COL21A1: variants seen among roughly 807,000 people sequenced by gnomAD.
The protein encoded by COL21A1 is collagen alpha-1(XXI) chain.
COL21A1 carries 149 observed loss-of-function variants against 137.9 expected under a neutral mutation model. The observed-to-expected ratio is 1.08, with a 90% CI of 0.95 to 1.24. The LOEUF (loss-of-function observed/expected upper bound fraction) is 1.24. Among genes scored for constraint, COL21A1 ranks in the 50% most tolerant of loss-of-function variants. COL21A1 has a pLI of 0.00. For synonymous variants in COL21A1, 456 were observed against 391.5 expected (o/e 1.16, Z -1.95); for missense variants, 1,167 against 1,158.4 (o/e 1.01, Z -0.11).
At chr6:56,113,535 C>G (rs954090788) in intron 16 of COL21A1, among the ~76,000 whole-genome samples, 10 of 152,168 alleles carry the variant, frequency 6.6e-5, no homozygotes, top group African/African-American at 2.2e-4. Flanking sequence ...AACTGAAGAG[C>G]CCTTGGGCCC....
chr6:56,312,312 A>C (rs1198293906), intron 1 of COL21A1, among the ~76,000 whole-genome samples: 18 of 152,186 alleles, frequency 1.2e-4, no homozygotes, highest in Non-Finnish European at 1.5e-4. Flanking sequence ...AGCAGCAGGG[A>C]AGGAGAGGAG....
chr6:56,266,691 G>C (rs1420296618), intron 1 of COL21A1, among the ~76,000 whole-genome samples: 1 of 152,180 alleles, frequency 6.6e-6, no homozygotes, highest in East Asian at 1.9e-4. Context: ...TCTGTAGACA[G>C]ACAGATAAAC....
At position 56,057,809 on chromosome 6, in the gene COL21A1, G is replaced by A; in HGVS notation, c.2722C>T (p.Pro908Ser). The A allele has an allele frequency of 6.3e-7, 1 of 1,591,532 alleles. No homozygotes were observed. Among genetic ancestry groups the A allele is most frequent in the South Asian group, 1.1e-5 (1 of 87,934 alleles). ...EGPPGISKEG[P>S]PGDPGLPGKD... ...CCAGGGAGACCTGGGTCTCCTGGAG[G>A]ACCTTCTTTGCTTATTCCAGGAGGG... The change falls in exon 30 of 30, where the codon CCT (proline) becomes TCT (serine). Residue 908 changes from proline to serine, a missense_variant. Pro to Ser is a moderately conservative substitution (Grantham distance 74). Coordinates refer to ENST00000244728, the MANE Select transcript of COL21A1 (RefSeq NM_030820.4).
rs538961899 is a variant in COL21A1 at position 56,068,895 on chromosome 6, G to T, written c.2091+151C>A. On this transcript the variant is annotated intron_variant, in intron 22 of 29. Transcript: ENST00000244728. The stretch of plus-strand genomic sequence containing the variant: ...AAGATGCCACAGCTATTAGCATGGG[G>T]CTGAACATATTATACATACATCGAA... The T allele has an allele frequency of 1.3e-3, 774 of 605,260 alleles. 6 individuals carry two copies. The South Asian group carries it at 0.015, about 12-fold the overall frequency. The allele number at this position is 605,260 out of a possible 1,614,324, so 37.5% of individuals were successfully genotyped here.
At chr6:56,085,943 G>T (rs1768202899) in intron 17 of COL21A1, among the ~76,000 whole-genome samples, 1 of 146,036 alleles carries the variant, frequency 6.8e-6, no homozygotes, top group African/African-American at 2.5e-5. Flanking sequence ...TAATTTTCAA[G>T]ATTCTCATTT....
At chr6:56,362,675 C>T (rs1390217454) in intron 1 of COL21A1, among the ~76,000 whole-genome samples, 3 of 152,046 alleles carry the variant, frequency 2.0e-5, no homozygotes, top group African/African-American at 7.2e-5. Context: ...CACACGGGCA[C>T]AACCCCTCTC....
intron 1 of COL21A1, among the ~76,000 whole-genome samples, chr6:56,359,319 G>T (rs940271975): frequency 6.6e-6 from 1 of 152,124 alleles, no homozygotes; most frequent in African/African-American, 2.4e-5. Flanking sequence ...GCTCTGTTTT[G>T]TCTCCTATAG....
At chr6:56,094,700 G>T (rs1769167064) in intron 17 of COL21A1, among the ~76,000 whole-genome samples, 1 of 152,190 alleles carries the variant, frequency 6.6e-6, no homozygotes, top group Non-Finnish European at 1.5e-5. Context: ...ACATGGCAGA[G>T]ATTTGTTGCA....
chr6:56,107,206 A>G (rs1771017074), intron 16 of COL21A1, among the ~76,000 whole-genome samples: 1 of 152,226 alleles, frequency 6.6e-6, no homozygotes, highest in East Asian at 1.9e-4. Context: ...TGATTAAATT[A>G]CTAGAAACCA....
chr6:56,373,240 C>T (rs1376891683), intron 1 of COL21A1, among the ~76,000 whole-genome samples: 2 of 152,206 alleles, frequency 1.3e-5, no homozygotes, highest in African/African-American at 4.8e-5. Flanking sequence ...GTACCTGATG[C>T]TCTGGCCACC....
At chr6:56,327,427 A>AT (rs1464193089) in intron 1 of COL21A1, among the ~76,000 whole-genome samples, 2 of 152,104 alleles carry the variant, frequency 1.3e-5, no homozygotes, top group Admixed American at 1.3e-4. Flanking sequence ...TCTATAGTGA[A>AT]TTTTGACAGC....
chr6:56,059,471 T>A (rs914339172), intron 28 of COL21A1, among the ~76,000 whole-genome samples: 1 of 152,272 alleles, frequency 6.6e-6, no homozygotes, highest in Admixed American at 6.5e-5. Flanking sequence ...AAGAAAATGG[T>A]TTGGAATTAT....
At chr6:56,324,655 T>C (rs889969530) in intron 1 of COL21A1, among the ~76,000 whole-genome samples, 1 of 151,994 alleles carries the variant, frequency 6.6e-6, no homozygotes, top group Admixed American at 6.6e-5. Flanking sequence ...TTCTACCTCA[T>C]CTGAACAGCC....
At chr6:56,240,658 A>G (rs931257142) in intron 1 of COL21A1, among the ~76,000 whole-genome samples, 3 of 152,146 alleles carry the variant, frequency 2.0e-5, no homozygotes, top group Non-Finnish European at 4.4e-5. Context: ...GCTTTTAACT[A>G]AGAAAAATAT....
intron 1 of COL21A1, among the ~76,000 whole-genome samples, chr6:56,316,930 C>A: frequency 6.6e-6 from 1 of 152,096 alleles, no homozygotes. Flanking sequence ...GGGCATATTT[C>A]TTCTGCTTCA....
chr6:56,210,221 G>A (rs946413421), intron 1 of COL21A1, among the ~76,000 whole-genome samples: 1 of 151,962 alleles, frequency 6.6e-6, no homozygotes, highest in Non-Finnish European at 1.5e-5. Flanking sequence ...AAACCTGCAC[G>A]TTCTGCACAT....
At chr6:56,219,216 CAAAAAAAAAAA>C (rs386407160) in intron 1 of COL21A1, among the ~76,000 whole-genome samples, 6 of 76,486 alleles carry the variant, frequency 7.8e-5, no homozygotes, top group African/African-American at 2.8e-4. Flanking sequence ...AAACTTGCAC[CAAAAAAAAAAA>C]AAAAAAAAAA....
At chr6:56,241,003 CT>C (rs1277927386) in intron 1 of COL21A1, among the ~76,000 whole-genome samples, 2 of 152,118 alleles carry the variant, frequency 1.3e-5, no homozygotes, top group Non-Finnish European at 2.9e-5. Context: ...CTTACTTTCC[CT>C]TTTCAACCCT....
intron 10 of COL21A1, among the ~76,000 whole-genome samples, chr6:56,148,368 G>GAGAA (rs1208798741): frequency 0.014 from 2,076 of 150,204 alleles, 56 homozygotes; most frequent in African/African-American, 0.049. Flanking sequence ...GAGAGAGAGA[G>GAGAA]AAACACATAA....
Sources: gnomAD v4.1 joint callset for allele counts (sites outside exome capture counted in the v4.1 genomes callset) on GRCh38, gnomAD v4.1.1 for gene constraint, MANE v1.5 for transcripts, NCBI Gene and HGNC (gene_info 2026-07-23, HGNC 2026-07-21) for gene names.